Variants in B3GAT1 observed in about 807,000 individuals in gnomAD.
B3GAT1 encodes galactosylgalactosylxylosylprotein 3-beta-glucuronosyltransferase 1.
B3GAT1 carries 11 observed loss-of-function variants against 28.4 expected under a neutral mutation model. The observed-to-expected ratio is 0.39, with a 90% confidence interval of 0.24 to 0.64. The LOEUF is 0.64. B3GAT1 is among the 30% of genes least tolerant of loss of function. The pLI is 0.50. For missense variants in B3GAT1, 375 were observed against 491.0 expected, an observed-to-expected ratio of 0.76 and a Z score of 2.23; for synonymous variants, 255 against 223.1, an observed-to-expected ratio of 1.14 and a Z score of -1.27.
Position 134,383,905 on chromosome 11 carries a change from G to C in B3GAT1, c.396C>G (p.Arg132=), listed in dbSNP as rs761540321. The change falls in exon 3 of 6, where the codon CGC becomes CGG. Residue 132 remains arginine (R), a synonymous_variant. Coordinates refer to ENST00000312527, the MANE Select transcript of B3GAT1 (RefSeq NM_054025.3). ...DAPRRTPLTA[R]LLRDTGLNYT... ...AGTTGAGGCCGGTGTCGCGCAGCAG[G>C]CGCGCGGTCAGCGGCGTCCGGCGCG... 48 of 1,596,050 alleles carry C rather than the reference G, an allele frequency of 3.0e-5. No homozygotes were observed. The highest frequency in any genetic ancestry group is 3.9e-5 in the Non-Finnish European group (46 of 1,175,696).
chr11:134,388,031 CG>C (rs1565452341), intron 1 of B3GAT1, 91 bp from the exon 2 acceptor site: 1 of 463,452 alleles, frequency 2.2e-6, no homozygotes, highest in African/African-American at 2.0e-5. Context: ...CACACAGCAT[CG>C]GGGGTTCCAC....
intron 1 of B3GAT1, among the ~76,000 whole-genome samples, chr11:134,398,246 C>T (rs929590629): frequency 2.6e-5 from 4 of 152,212 alleles, no homozygotes; most frequent in South Asian, 2.1e-4. Flanking sequence ...TCTGCACGCT[C>T]TTAGCTGGGT....
rs767331871 is a variant in B3GAT1 at position 134,383,909 on chromosome 11, G to A, written c.392C>T (p.Ala131Val). The change falls in exon 3 of 6, where the codon GCG becomes GTG. Residue 131 changes from alanine (A) to valine (V), a missense_variant. Transcript: ENST00000312527. ...EDAPRRTPLT[A>V]RLLRDTGLNY... ...GAGGCCGGTGTCGCGCAGCAGGCGC[G>A]CGGTCAGCGGCGTCCGGCGCGGCGC... 8 of 1,595,134 alleles carry A rather than the reference G, an allele frequency of 5.0e-6. No homozygotes were observed. The highest frequency in any genetic ancestry group is 1.1e-5 in the South Asian group (1 of 90,268).
At chr11:134,401,979 G>GT (rs202012519) in intron 1 of B3GAT1, among the ~76,000 whole-genome samples, 5,423 of 101,494 alleles carry the variant, frequency 0.053, 535 homozygotes, top group African/African-American at 0.19. Context: ...GCGGGGGGGG[G>GT]CGGGCAGCCT....
At position 134,411,704 on chromosome 11, in the gene B3GAT1, A is replaced by ACACC. The variant is rs1944861066; in HGVS notation, c.-282+102_-282+103insGGTG. The ACACC allele has an allele frequency of 1.8e-5, 2 of 110,706 alleles. No individual in the cohort carries two copies. Among genetic ancestry groups the ACACC allele is most frequent in the African/African-American group, 6.2e-5 (2 of 32,384 alleles). 6.9% of individuals were successfully genotyped at this position (110,706 alleles called of 1,614,324 possible). A position where few individuals can be genotyped will look rare whatever the true frequency, so the allele number is the denominator to read the frequency against. On this transcript the variant is annotated intron_variant, in intron 1 of 5. Transcript: ENST00000312527. The surrounding 1 kb of genome is among the most constrained non-coding windows in gnomAD (Gnocchi z 6.0). Reference sequence around the variant, plus strand: ...CACACACACACACACACACACACACACCCCAGCGCGCGCCCGGGAGGACAT... The same window carrying ACACC: ...CACACACACACACACACACACACACACACCCCCCAGCGCGCGCCCGGGAGGACAT...
chr11:134,412,032 G>A lies in B3GAT1; in HGVS notation c.-507C>T, dbSNP rs1299502476. ...CGGCCCGGCTCGTTCTGGGCTCAGC[G>A]AGGCGGCGGCCGAAGGCTGGGAGCG... On this transcript the variant is annotated 5_prime_UTR_variant, in exon 1 of 6. Transcript: ENST00000312527. 1 of 145,672 alleles carries A rather than the reference G, an allele frequency of 6.9e-6. No individual in the cohort carries two copies. Among genetic ancestry groups the A allele is most frequent in the African/African-American group, 2.5e-5 (1 of 40,516 alleles). The allele number at this position is 145,672 out of a possible 1,614,324, so 9.0% of individuals were successfully genotyped here.
rs1472120994 is a variant in B3GAT1 at position 134,388,190 on chromosome 11, C to A, written c.-281-250G>T. 1.3e-5 allele frequency: 4 copies of A among 306,804 alleles called. No homozygotes were observed. In the East Asian group the frequency reaches 2.3e-4, roughly 18 times the overall value. The allele number at this position is 306,804 out of a possible 1,614,324, so 19.0% of individuals were successfully genotyped here. On this transcript the variant is annotated intron_variant, in intron 1 of 5. Transcript: ENST00000312527. ...GTGCAGGGGTCAGAAGCACAGACTGCAGAGACACCAGGTTTAAATCCCAAC... is the reference window on the plus strand; with the variant it reads ...GTGCAGGGGTCAGAAGCACAGACTGAAGAGACACCAGGTTTAAATCCCAAC...
In B3GAT1 at chr11:134,412,149, A is replaced by C. The variant is rs1198822080; in HGVS notation, c.-624T>G. 1.8e-5 allele frequency among the ~76,000 whole-genome samples: 1 copy of C among 55,308 alleles called. No individual in the cohort carries two copies. The highest frequency in any genetic ancestry group is 6.5e-4 in the South Asian group (1 of 1,532). 36.3% of individuals were successfully genotyped at this position (55,308 alleles called of 152,430 possible). ...AGCGGGGAGCGGGCGCGGGGGCGAG[A>C]GGGGCGAGGGGGGCGCGCGGCCGGA... On this transcript the variant is annotated 5_prime_UTR_variant, in exon 1 of 6. Transcript: ENST00000312527.
chr11:134,410,813 G>A (rs781346885), intron 1 of B3GAT1, among the ~76,000 whole-genome samples: 16 of 152,178 alleles, frequency 1.1e-4, no homozygotes, highest in Non-Finnish European at 1.8e-4. Flanking sequence ...TAGGCCCTAC[G>A]ACATCCGTAC....
rs1944865426 is a variant in B3GAT1 at position 134,411,867 on chromosome 11, C to T, written c.-342G>A. ...CCATCGCGGGCAACGGCCCCTACGC[C>T]CCGGCCCCGGCGCCCCTAGACCGCT... On this transcript the variant is annotated 5_prime_UTR_variant, in exon 1 of 6. Transcript: ENST00000312527. This position sits in a 1 kb window ranked among gnomAD's most constrained non-coding sequence, Gnocchi z 6.0. The T allele has an allele frequency of 6.6e-6, 1 of 151,388 alleles. No homozygotes were observed. Among genetic ancestry groups the T allele is most frequent in the Non-Finnish European group, 1.5e-5 (1 of 67,838 alleles). 9.4% of individuals were successfully genotyped at this position (151,388 alleles called of 1,614,324 possible). A position where few individuals can be genotyped will look rare whatever the true frequency, so the allele number is the denominator to read the frequency against.
chr11:134,411,985 G>T lies in B3GAT1; in HGVS notation c.-460C>A, dbSNP rs1426204484. 3 of 111,990 alleles carry T rather than the reference G, an allele frequency of 2.7e-5. No homozygotes were observed. Among genetic ancestry groups the T allele is most frequent in the Admixed American group, 8.0e-5 (1 of 12,566 alleles). 6.9% of individuals were successfully genotyped at this position (111,990 alleles called of 1,614,324 possible). A position where few individuals can be genotyped will look rare whatever the true frequency, so the allele number is the denominator to read the frequency against. On this transcript the variant is annotated 5_prime_UTR_variant, in exon 1 of 6. Coordinates refer to ENST00000312527, the MANE Select transcript of B3GAT1 (RefSeq NM_054025.3). This position sits in a 1 kb window ranked among gnomAD's most constrained non-coding sequence, Gnocchi z 6.0. Reference sequence around the variant, plus strand: ...AGCCGCGGGGTCCGCGCGCCCGCCCGCCCCGCCCGGCCCCGCCGCCCCGGC... The same window carrying T: ...AGCCGCGGGGTCCGCGCGCCCGCCCTCCCCGCCCGGCCCCGCCGCCCCGGC...
rs1390549779 is a variant in B3GAT1, at chr11:134,393,055, T to C, written c.-281-5115A>G. ...ACAGCTCGCTCCAGTGCAGGTGACGTGTGAACGCAAAATGTTCCCAAAGGC... is the reference window on the plus strand; with the variant it reads ...ACAGCTCGCTCCAGTGCAGGTGACGCGTGAACGCAAAATGTTCCCAAAGGC... On this transcript the variant is annotated intron_variant, in intron 1 of 5. Coordinates refer to ENST00000312527, the MANE Select transcript of B3GAT1 (RefSeq NM_054025.3). This position sits in a 1 kb window ranked among gnomAD's most constrained non-coding sequence, Gnocchi z 4.0. Among the ~76,000 whole-genome samples the C allele has an allele frequency of 6.6e-6, 1 of 152,140 alleles. No individual in the cohort carries two copies. The highest frequency in any genetic ancestry group is 2.1e-4 in the South Asian group (1 of 4,822).
At chr11:134,400,351 C>T (rs1299343901) in intron 1 of B3GAT1, among the ~76,000 whole-genome samples, 4 of 152,222 alleles carry the variant, frequency 2.6e-5, no homozygotes, top group Non-Finnish European at 5.9e-5. Context: ...AAAGCAGGAG[C>T]TATGCCAATA....
At chr11:134,403,617 T>G (rs1944664074) in intron 1 of B3GAT1, among the ~76,000 whole-genome samples, 2 of 152,016 alleles carry the variant, frequency 1.3e-5, no homozygotes, top group Non-Finnish European at 2.9e-5. Context: ...ATCTCCTGAG[T>G]GGGAAGGGCA....
At chr11:134,407,548 A>C (rs969900517) in intron 1 of B3GAT1, among the ~76,000 whole-genome samples, 1 of 151,940 alleles carries the variant, frequency 6.6e-6, no homozygotes, top group Non-Finnish European at 1.5e-5. Context: ...AATCCAGTCA[A>C]CTCTTGATCC....
chr11:134,384,445 G>C (rs540452891), intron 2 of B3GAT1: 1 of 495,526 alleles, frequency 2.0e-6, no homozygotes, highest in South Asian at 4.5e-5. Flanking sequence ...AGCTATTTGA[G>C]CGCAGTTGCC....
At position 134,387,787 on chromosome 11, in the gene B3GAT1, G is replaced by C. The variant is rs746962254; in HGVS notation, c.-128C>G. ...GCATGGGCCGGGCCGGCCAGGCATG[G>C]AGAGGACAGAGCAGCTGAATGTTGG... On this transcript the variant is annotated 5_prime_UTR_variant, in exon 2 of 6. Coordinates refer to ENST00000312527, the MANE Select transcript of B3GAT1 (RefSeq NM_054025.3). 2.8e-5 allele frequency: 43 copies of C among 1,540,684 alleles called. No homozygotes were observed. The highest frequency in any genetic ancestry group is 3.9e-5 in the Admixed American group (2 of 51,058).
In B3GAT1 at chr11:134,411,093, C is replaced by T. The variant is rs1256500681; in HGVS notation, c.-282+714G>A. On this transcript the variant is annotated intron_variant, in intron 1 of 5. Coordinates refer to ENST00000312527, the MANE Select transcript of B3GAT1 (RefSeq NM_054025.3). The surrounding 1 kb of genome is among the most constrained non-coding windows in gnomAD (Gnocchi z 6.0). ...TTAGCTGCTTGGTACGGGGCTGTCA[C>T]CTCCTTACCCTGGCACTGTCGGACC... Among the ~76,000 whole-genome samples, 1 of 152,280 alleles carries T rather than the reference C, an allele frequency of 6.6e-6. No individual in the cohort carries two copies. Among genetic ancestry groups the T allele is most frequent in the Non-Finnish European group, 1.5e-5 (1 of 68,026 alleles).
intron 2 of B3GAT1, 27 bp downstream of exon 2, chr11:134,387,521 G>A (rs1272856646): frequency 1.2e-6 from 2 of 1,611,870 alleles, no homozygotes; most frequent in South Asian, 1.1e-5. Context: ...GCCCAGCTGG[G>A]CAGGCAGGGC....
Sources: allele counts gnomAD v4.1 joint callset (sites outside exome capture counted in the v4.1 genomes callset), GRCh38; gene constraint gnomAD v4.1.1; non-coding constraint Gnocchi (gnomAD v3.1); transcripts MANE v1.5; gene names NCBI Gene and HGNC (gene_info 2026-07-23, HGNC 2026-07-21).